The following TTC28 variants were observed in gnomAD, a reference collection of about 807,000 sequenced individuals.
TTC28 encodes the protein tetratricopeptide repeat domain 28.
A neutral mutation model predicts 198.0 loss-of-function variants in TTC28; 61 were observed. The ratio of observed to expected loss-of-function variants is 0.31; its 90% CI spans 0.25 to 0.38. The LOEUF is 0.38. Ranked by LOEUF, TTC28 falls within the 10% of genes least tolerant of loss-of-function variation. TTC28 has a pLI of 1.00. For synonymous variants in TTC28, 1,171 were observed against 1,297.8 expected, an observed-to-expected ratio of 0.90 and a Z score of 2.10; for missense variants, 2,678 against 3,164.0, an observed-to-expected ratio of 0.85 and a Z score of 3.69.
intron 5 of TTC28, among the ~76,000 whole-genome samples, chr22:28,219,053 T>A (rs576107006): frequency 6.6e-6 from 1 of 152,148 alleles, no homozygotes; most frequent in South Asian, 2.1e-4. Flanking sequence ...CCCCAAGGAA[T>A]CCATGAACCA....
intron 17 of TTC28, among the ~76,000 whole-genome samples, chr22:27,994,975 A>T (rs1415127762): frequency 6.6e-6 from 1 of 152,174 alleles, no homozygotes; most frequent in Non-Finnish European, 1.5e-5. Flanking sequence ...CCTCGAGCCA[A>T]CTGGGGGCAC....
intron 5 of TTC28, among the ~76,000 whole-genome samples, chr22:28,229,597 G>A (rs1928644726): frequency 1.3e-5 from 2 of 152,126 alleles, no homozygotes; most frequent in Admixed American, 1.3e-4. Flanking sequence ...AGTCAAGGGA[G>A]GTCCTCAAAA....
intron 2 of TTC28, among the ~76,000 whole-genome samples, chr22:28,397,076 T>C (rs1210155418): frequency 6.6e-6 from 1 of 152,200 alleles, no homozygotes; most frequent in Non-Finnish European, 1.5e-5. Flanking sequence ...TTCAATTTAA[T>C]GAATATTTAT....
chr22:28,347,763 C>T (rs889007235), intron 2 of TTC28, among the ~76,000 whole-genome samples: 3 of 152,184 alleles, frequency 2.0e-5, no homozygotes, highest in Non-Finnish European at 4.4e-5. Context: ...ATCCCAGCTA[C>T]TCAAGTGGCT....
intron 12 of TTC28, among the ~76,000 whole-genome samples, chr22:28,091,572 A>G (rs1294434529): frequency 1.3e-5 from 2 of 152,158 alleles, no homozygotes; most frequent in Non-Finnish European, 2.9e-5. Flanking sequence ...GGCAGTGCCC[A>G]TTTCTAATAC....
intron 2 of TTC28, among the ~76,000 whole-genome samples, chr22:28,471,200 CTT>C (rs1412024688): frequency 6.6e-6 from 1 of 152,262 alleles, no homozygotes; most frequent in East Asian, 1.9e-4. Context: ...CAGAACAACT[CTT>C]TTCCAAAAAA....
At chr22:28,160,912 G>T (rs1284309713) in intron 6 of TTC28, among the ~76,000 whole-genome samples, 2 of 152,130 alleles carry the variant, frequency 1.3e-5, no homozygotes, top group African/African-American at 4.8e-5. Context: ...AGAAAATCAG[G>T]ACAGTGGTGT....
chr22:28,028,894 G>A (rs1272572724), intron 13 of TTC28: 4 of 430,236 alleles, frequency 9.3e-6, no homozygotes, highest in South Asian at 3.4e-5. Context: ...CACAGATGAC[G>A]AGACTGAGGC....
intron 2 of TTC28, among the ~76,000 whole-genome samples, chr22:28,445,759 A>G (rs2047692057): frequency 6.6e-6 from 1 of 151,918 alleles, no homozygotes; most frequent in Admixed American, 6.5e-5. Context: ...GTCTCTCACA[A>G]TCTCATCTAA....
intron 2 of TTC28, among the ~76,000 whole-genome samples, chr22:28,334,443 G>T (rs1002538806): frequency 2.6e-5 from 4 of 152,150 alleles, no homozygotes; most frequent in Admixed American, 6.5e-5. Flanking sequence ...TTCCACAATG[G>T]TTGAACTAGT....
At chr22:28,122,553 G>A (rs948756185) in intron 6 of TTC28, among the ~76,000 whole-genome samples, 31 of 152,106 alleles carry the variant, frequency 2.0e-4, no homozygotes, top group Admixed American at 5.2e-4. Flanking sequence ...ATCTTTATGG[G>A]TTTTGCTGTT....
intron 5 of TTC28, among the ~76,000 whole-genome samples, chr22:28,215,993 C>T (rs147476328): frequency 5.9e-5 from 9 of 152,278 alleles, no homozygotes; most frequent in African/African-American, 2.2e-4. Context: ...AAGCATCCTA[C>T]ACCATGTTAC....
intron 2 of TTC28, among the ~76,000 whole-genome samples, chr22:28,603,514 A>C (rs934152021): frequency 6.6e-6 from 1 of 152,136 alleles, no homozygotes; most frequent in African/African-American, 2.4e-5. Flanking sequence ...CAGCCTCCCA[A>C]GTAGCTGGGA....
intron 1 of TTC28, among the ~76,000 whole-genome samples, chr22:28,678,395 G>A (rs1357441405): frequency 6.6e-6 from 1 of 152,070 alleles, no homozygotes; most frequent in Non-Finnish European, 1.5e-5. Flanking sequence ...TTGCGGAGAC[G>A]AACGAGTCTC....
chr22:28,629,651 T>C lies in TTC28; in HGVS notation c.282A>G (p.Leu94=), dbSNP rs1459958487. The change falls in exon 2 of 23, where the codon TTA becomes TTG. Residue 94 remains leucine (L), a synonymous_variant. Coordinates refer to ENST00000397906, the MANE Select transcript of TTC28 (RefSeq NM_001145418.2). ...ALAVDPQNCI[L]YSNRSAAYMK... ...TGTAGGCTGCAGATCTATTGCTGTA[T>C]AAGATGCAGTTCTGAGGGTCAACAG... 1.3e-6 allele frequency: 2 copies of C among 1,551,572 alleles called. No individual in the cohort carries two copies. Among genetic ancestry groups the C allele is most frequent in the Non-Finnish European group, 8.7e-7 (1 of 1,147,002 alleles).
chr22:28,636,712 A>C (rs1294150463), intron 1 of TTC28, among the ~76,000 whole-genome samples: 1 of 151,336 alleles, frequency 6.6e-6, no homozygotes, highest in Non-Finnish European at 1.5e-5. Context: ...TCATTTTAAA[A>C]ATCAGATTAT....
chr22:28,304,682 C>A (rs1047872582), intron 3 of TTC28, among the ~76,000 whole-genome samples: 1 of 152,140 alleles, frequency 6.6e-6, no homozygotes, highest in African/African-American at 2.4e-5. Context: ...CTAAATAGAT[C>A]GCTTCAAAGG....
chr22:28,215,148 G>A (rs1927283810), intron 5 of TTC28, among the ~76,000 whole-genome samples: 1 of 152,154 alleles, frequency 6.6e-6, no homozygotes, highest in Admixed American at 6.6e-5. Context: ...TGGGGGAGGG[G>A]AGAGGGATAG....
At chr22:28,593,468 GC>G (rs2050474239) in intron 2 of TTC28, among the ~76,000 whole-genome samples, 1 of 136,668 alleles carries the variant, frequency 7.3e-6, no homozygotes, top group Non-Finnish European at 1.6e-5. Flanking sequence ...TAGGTAGGTA[GC>G]TAGGTAGGTA....
Sources: allele counts gnomAD v4.1 joint callset (sites outside exome capture counted in the v4.1 genomes callset), GRCh38; gene constraint gnomAD v4.1.1; transcripts MANE v1.5; gene names NCBI Gene and HGNC (gene_info 2026-07-23, HGNC 2026-07-21).